Variants in ZC3H12B observed in about 807,000 individuals in gnomAD.
ZC3H12B encodes the protein zinc finger CCCH-type containing 12B.
In ZC3H12B, 7 loss-of-function variants were observed where a neutral mutation model predicts 43.9. The observed-to-expected ratio is 0.16, with a 90% CI of 0.09 to 0.30. ZC3H12B has a LOEUF of 0.30. Ranked by LOEUF, ZC3H12B falls within the 10% of genes least tolerant of loss-of-function variation. The pLI is 1.00. For synonymous variants in ZC3H12B, 222 were observed against 241.7 expected (o/e 0.92, Z 0.76); for missense variants, 475 against 670.2 (o/e 0.71, Z 3.22).
the ZC3H12B span, among the ~76,000 whole-genome samples, chrX:65,194,022 T>C: frequency 9.2e-6 from 1 of 109,205 alleles, no homozygotes; most frequent in Admixed American, 9.9e-5. Flanking sequence ...AGGGTGGAGT[T>C]GTCACATACT....
chrX:65,271,040 A>G, the ZC3H12B span: 1 of 112,865 alleles, frequency 8.9e-6, no homozygotes, highest in African/African-American at 3.2e-5. Flanking sequence ...AAAGGAAAGG[A>G]TAAAAAAGTA....
the ZC3H12B span, among the ~76,000 whole-genome samples, chrX:65,290,166 C>G: frequency 9.1e-6 from 1 of 109,779 alleles, no homozygotes; most frequent in Non-Finnish European, 1.9e-5. Flanking sequence ...TTAATGTGGG[C>G]AAAGAACATG....
chrX:65,090,708 T>G, the ZC3H12B span, among the ~76,000 whole-genome samples: 1 of 111,323 alleles, frequency 9.0e-6, no homozygotes, highest in Non-Finnish European at 1.9e-5. Flanking sequence ...TGGGGAGATT[T>G]TCCTTAGACA....
chrX:65,244,748 AAAAG>A, the ZC3H12B span, among the ~76,000 whole-genome samples: 3 of 108,116 alleles, frequency 2.8e-5, no homozygotes, highest in East Asian at 3.0e-4. Context: ...AAAAAAAAAA[AAAAG>A]AAAACGCAAA....
chrX:65,195,336 T>A, the ZC3H12B span, among the ~76,000 whole-genome samples: 1 of 111,630 alleles, frequency 9.0e-6, no homozygotes, highest in Non-Finnish European at 1.9e-5. Flanking sequence ...CTTTGTGGGT[T>A]TTTTGATTTG....
chrX:65,185,557 T>A, the ZC3H12B span: 4 of 111,592 alleles, frequency 3.6e-5, no homozygotes, highest in Non-Finnish European at 5.6e-5. Context: ...ATGGCAAAAC[T>A]CTTGTTTTTA....
the ZC3H12B span, among the ~76,000 whole-genome samples, chrX:65,166,821 T>C: frequency 8.9e-6 from 1 of 112,227 alleles, no homozygotes; most frequent in East Asian, 2.8e-4. Flanking sequence ...CACATGTCTG[T>C]TGGCTGCATA....
chrX:65,099,520 C>T, the ZC3H12B span, among the ~76,000 whole-genome samples: 1 of 111,657 alleles, frequency 9.0e-6, no homozygotes, highest in African/African-American at 3.3e-5. Context: ...ACAAAGCTTC[C>T]AGAGGAAGGA....
the ZC3H12B span, among the ~76,000 whole-genome samples, chrX:65,071,764 T>C: frequency 3.6e-5 from 4 of 112,110 alleles, no homozygotes; most frequent in African/African-American, 9.7e-5. Context: ...TCTTTAAGAA[T>C]GTGGAATATT....
At chrX:65,181,189 T>A in the ZC3H12B span, among the ~76,000 whole-genome samples, 3 of 111,956 alleles carry the variant, frequency 2.7e-5, no homozygotes, top group African/African-American at 9.7e-5. Flanking sequence ...CTGGGAAAAC[T>A]GGCTAGCTAT....
chrX:65,131,462 G>T, the ZC3H12B span, among the ~76,000 whole-genome samples: 1 of 111,563 alleles, frequency 9.0e-6, no homozygotes, highest in East Asian at 2.8e-4. Flanking sequence ...TGACTGCACT[G>T]CCCTGCACTT....
chrX:65,495,077 G>A (rs1264668126), intron 1 of ZC3H12B, among the ~76,000 whole-genome samples: 1 of 111,885 alleles, frequency 8.9e-6, no homozygotes, highest in African/African-American at 3.2e-5. Context: ...AACCCTTTAA[G>A]CACTGTGGTC....
chrX:65,115,219 C>A, the ZC3H12B span, among the ~76,000 whole-genome samples: 2 of 107,664 alleles, frequency 1.9e-5, no homozygotes, highest in African/African-American at 6.8e-5. Flanking sequence ...CCCTTTTACC[C>A]GAGTCCCCAA....
chrX:65,386,752 G>C (rs1283366406), intron 2 of ZC3H12B, among the ~76,000 whole-genome samples: 11 of 110,832 alleles, frequency 9.9e-5, no homozygotes, highest in African/African-American at 3.6e-4. Flanking sequence ...TGTCAATTTT[G>C]GATCTTTCCC....
chrX:65,224,173 T>A, the ZC3H12B span, among the ~76,000 whole-genome samples: 1 of 112,496 alleles, frequency 8.9e-6, no homozygotes, highest in Non-Finnish European at 1.9e-5. Flanking sequence ...GAATTGCAGA[T>A]TATTATTTTA....
intron 3 of ZC3H12B, among the ~76,000 whole-genome samples, chrX:65,483,500 T>C (rs1241204624): frequency 9.0e-6 from 1 of 111,587 alleles, no homozygotes; most frequent in Non-Finnish European, 1.9e-5. Flanking sequence ...AGCCTTTACT[T>C]TATAGTTCTT....
chrX:65,434,654 TC>T (rs1385275943), intron 3 of ZC3H12B, among the ~76,000 whole-genome samples: 1 of 112,229 alleles, frequency 8.9e-6, no homozygotes, highest in Non-Finnish European at 1.9e-5. Context: ...CTCAAGTAGT[TC>T]TTTGCAGTGT....
intron 3 of ZC3H12B, among the ~76,000 whole-genome samples, chrX:65,444,808 C>T (rs1288729167): frequency 8.9e-6 from 1 of 112,142 alleles, no homozygotes; most frequent in Non-Finnish European, 1.9e-5. Context: ...ATCTCTCTCC[C>T]TATCTCCTCT....
intron 2 of ZC3H12B, among the ~76,000 whole-genome samples, chrX:65,378,988 A>T (rs1398334319): frequency 1.8e-5 from 2 of 112,290 alleles, no homozygotes; most frequent in South Asian, 3.7e-4. Context: ...TTGCTAGCAC[A>T]GCAGTCTGCG....
Sources: allele counts gnomAD v4.1 joint callset (sites outside exome capture counted in the v4.1 genomes callset), GRCh38; gene constraint gnomAD v4.1.1; transcripts MANE v1.5; gene names NCBI Gene and HGNC (gene_info 2026-07-23, HGNC 2026-07-21).